Variants in LRP2 observed in about 807,000 individuals in gnomAD.
The protein encoded by LRP2 is LDL receptor related protein 2.
Under a neutral mutation model 531.0 loss-of-function variants are expected in LRP2, and 172 were observed. That is an observed-to-expected ratio of 0.32 (90% CI 0.29 to 0.37). The LOEUF (loss-of-function observed/expected upper bound fraction) is 0.37. LRP2 is among the 10% of genes least tolerant of loss of function. The pLI is 1.00. For synonymous variants in LRP2, 1,992 were observed against 2,027.6 expected (o/e 0.98, Z 0.47); for missense variants, 5,167 against 5,868.3 (o/e 0.88, Z 3.90).
chr2:169,192,072 C>T, intron 47 of LRP2, 39 bp from the exon 48 acceptor site: 1 of 1,517,206 alleles, frequency 6.6e-7, no homozygotes, highest in Non-Finnish European at 9.1e-7. Flanking sequence ...AGCATGAGAG[C>T]TCAGTGCAGC....
In LRP2 at chr2:169,318,790, A is replaced by G. The variant is rs755234378; in HGVS notation, c.282T>C (p.Asp94=). 1.9e-6 allele frequency: 3 copies of G among 1,614,172 alleles called. No individual in the cohort carries two copies. The highest frequency in any genetic ancestry group is 2.5e-6 in the Non-Finnish European group (3 of 1,180,010). The change falls in exon 3 of 79, where the codon GAT becomes GAC. Residue 94 remains aspartate, a synonymous_variant. Coordinates refer to ENST00000649046, the MANE Select transcript of LRP2 (RefSeq NM_004525.3). ...AATCTTGACGTTCATCTGAGCCATC[A>G]TCACAGTCTTGATCTTGGTCACACA... The part of the protein sequence containing the change: ...SWVCDQDQDC[D]DGSDERQDCS...
chr2:169,308,368 C>G (rs546653238), intron 3 of LRP2, among the ~76,000 whole-genome samples: 2 of 152,218 alleles, frequency 1.3e-5, no homozygotes, highest in South Asian at 2.1e-4. Context: ...TGTTATCCTT[C>G]CCCTCTCCCC....
chr2:169,259,739 C>A (rs1230474427), intron 16 of LRP2, among the ~76,000 whole-genome samples: 4 of 55,336 alleles, frequency 7.2e-5, no homozygotes, highest in Non-Finnish European at 1.2e-4. Flanking sequence ...TTAAAAACAA[C>A]AACAACAAAA....
chr2:169,211,085 CTT>C (rs1378835658), intron 37 of LRP2, among the ~76,000 whole-genome samples: 1 of 152,084 alleles, frequency 6.6e-6, no homozygotes. Context: ...AGATCCATAA[CTT>C]TTTAGATATG....
chr2:169,160,813 T>G (rs778455097), intron 63 of LRP2, among the ~76,000 whole-genome samples: 20 of 152,186 alleles, frequency 1.3e-4, no homozygotes, highest in Non-Finnish European at 2.5e-4. Context: ...TTCTATCATG[T>G]TCAGGCTTTT....
At chr2:169,246,297 G>A (rs1022105403) in intron 21 of LRP2, among the ~76,000 whole-genome samples, 5 of 151,916 alleles carry the variant, frequency 3.3e-5, no homozygotes, top group Non-Finnish European at 4.4e-5. Context: ...TGTAGAGACC[G>A]GATTTCGTCA....
chr2:169,259,851 C>T (rs1229968294), intron 16 of LRP2, among the ~76,000 whole-genome samples: 1 of 151,914 alleles, frequency 6.6e-6, no homozygotes, highest in African/African-American at 2.4e-5. Context: ...AACAGCCATA[C>T]CTCTTTCTTT....
chr2:169,173,048 A>T (rs1354384573), intron 57 of LRP2, 48 bp downstream of exon 57: 1 of 1,611,182 alleles, frequency 6.2e-7, no homozygotes, highest in South Asian at 1.1e-5. Flanking sequence ...GGCACTTGAC[A>T]TGTGCACTTT....
intron 1 of LRP2, among the ~76,000 whole-genome samples, chr2:169,357,804 T>C (rs559558999): frequency 6.6e-6 from 1 of 152,362 alleles, no homozygotes; most frequent in South Asian, 2.1e-4. Flanking sequence ...TAAAAACCTT[T>C]CAGTGTTCTT....
chr2:169,222,820 C>T (rs1023733343), intron 33 of LRP2, among the ~76,000 whole-genome samples: 1 of 152,136 alleles, frequency 6.6e-6, no homozygotes, highest in Non-Finnish European at 1.5e-5. Flanking sequence ...TAACTGAAAC[C>T]TCGGAAAGTG....
rs752468649 is a variant in LRP2 at position 169,318,755 on chromosome 2, CACTT to C, written c.310+3_310+6del. ...AGCCAAAGCAAGATTCCTCTCCAAA[CACTT>C]ACAGCAATCTTGACGTTCATCTGAG... On this transcript the variant is annotated splice_donor_5th_base_variant and intron_variant, in intron 3 of 78. Transcript: ENST00000649046. 5.6e-6 allele frequency: 9 copies of C among 1,614,084 alleles called. No homozygotes were observed. The highest frequency in any genetic ancestry group is 7.6e-6 in the Non-Finnish European group (9 of 1,179,962).
chr2:169,176,738 T>C (rs545859420), intron 53 of LRP2, 150 bp from the exon 54 acceptor site: 21 of 733,282 alleles, frequency 2.9e-5, no homozygotes, highest in African/African-American at 2.4e-4. Context: ...AGTTCCTAAA[T>C]AAAACAGATG....
In LRP2 at chr2:169,206,766, G is replaced by A. The variant is rs34223099; in HGVS notation, c.6954C>T (p.Asp2318=). The A allele has an allele frequency of 3.2e-4, 522 of 1,614,124 alleles. 1 individual carries two copies. In the African/African-American group the frequency reaches 4.5e-3, roughly 14 times the overall value. ...TCACATCTCTTAGCCAGTTGATATT[G>A]TCTCTTATCACTGTGGGTGGCTCTG... is the stretch of plus-strand genomic sequence containing the variant. ...ENTEPPTVIR[D]NINWLRDVTI... is the part of the protein sequence containing the mutation. Residue 2318 remains aspartate, a synonymous_variant, in exon 39 of 79, where the codon GAC becomes GAT. Coordinates refer to ENST00000649046, the MANE Select transcript of LRP2 (RefSeq NM_004525.3).
intron 30 of LRP2, among the ~76,000 whole-genome samples, chr2:169,232,751 G>A (rs1474744946): frequency 1.3e-5 from 2 of 152,202 alleles, no homozygotes; most frequent in African/African-American, 4.8e-5. Flanking sequence ...AAGCTGAGAG[G>A]CAGGAGTCGC....
chr2:169,268,943 T>C (rs924512034), intron 16 of LRP2, among the ~76,000 whole-genome samples: 4 of 152,056 alleles, frequency 2.6e-5, no homozygotes, highest in African/African-American at 7.2e-5. Context: ...ATCACAAGCA[T>C]TCCTATACAC....
rs1688949877 is a variant in LRP2 at position 169,220,462 on chromosome 2, AG to A, written c.5639del (p.Pro1880LeufsTer31). The A allele has an allele frequency of 6.2e-7, 1 of 1,612,494 alleles. No homozygotes were observed. The highest frequency in any genetic ancestry group is 1.3e-5 in the African/African-American group (1 of 74,884). ...CATTTATGAATACTCACCCACGAGC[AG>A]GATCAACAGTTATGCCAATTGGAAA... is the stretch of plus-strand genomic sequence containing the variant. ...VGFPIGITVD[P>X]ARGKLYWSDQ... On this transcript the variant is annotated frameshift_variant, in exon 34 of 79. Transcript: ENST00000649046. LOFTEE classifies it high-confidence loss of function.
At chr2:169,268,569 A>G (rs1303393671) in intron 16 of LRP2, among the ~76,000 whole-genome samples, 1 of 151,704 alleles carries the variant, frequency 6.6e-6, no homozygotes, top group African/African-American at 2.4e-5. Context: ...CCTTCATGCT[A>G]AATCAATAAA....
rs1360651738 is a variant in LRP2, at chr2:169,226,697, C to T, written c.5228-109G>A. 12 of 785,566 alleles carry T rather than the reference C, an allele frequency of 1.5e-5. No homozygotes were observed. The African/African-American group carries it at 1.5e-4, about 10-fold the overall frequency. The allele number at this position is 785,566 out of a possible 1,614,324, so 48.7% of individuals were successfully genotyped here. A position where few individuals can be genotyped will look rare whatever the true frequency, so the allele number is the denominator to read the frequency against. On this transcript the variant is annotated intron_variant, in intron 31 of 78. Coordinates refer to ENST00000649046, the MANE Select transcript of LRP2 (RefSeq NM_004525.3). ...CATCATATGGGCTAAAATGACATTG[C>T]AGCATTGCAGCAATAAATATAATGT...
intron 44 of LRP2, among the ~76,000 whole-genome samples, chr2:169,200,078 G>A (rs796259525): frequency 3.6e-4 from 54 of 152,054 alleles, no homozygotes; most frequent in Middle Eastern, 3.4e-3. Flanking sequence ...GTGAAACCTC[G>A]TCTCTACTAA....
Sources: allele counts gnomAD v4.1 joint callset (sites outside exome capture counted in the v4.1 genomes callset), GRCh38; gene constraint gnomAD v4.1.1; transcripts MANE v1.5; gene names NCBI Gene and HGNC (gene_info 2026-07-23, HGNC 2026-07-21).